The following LRRIQ1 variants were observed in gnomAD, a reference collection of about 807,000 sequenced individuals.
LRRIQ1 encodes the protein leucine-rich repeat- and IQ domain-containing protein 1.
A neutral mutation model predicts 211.9 loss-of-function variants in LRRIQ1; 210 were observed. The observed-to-expected ratio is 0.99, with a 90% CI of 0.89 to 1.11. LRRIQ1 has a LOEUF of 1.11. LRRIQ1 is among the 50% of genes most tolerant of loss of function. The probability of loss-of-function intolerance (pLI) is 0.00; values close to 1 mark genes in which losing one functional copy is unlikely to be tolerated. For synonymous variants in LRRIQ1, 699 were observed against 650.1 expected (o/e 1.08, Z -1.14); for missense variants, 2,136 against 1,939.5 (o/e 1.10, Z -1.90).
intron 17 of LRRIQ1, among the ~76,000 whole-genome samples, chr12:85,125,468 G>T (rs12296412): frequency 0.057 from 8,673 of 151,924 alleles, 834 homozygotes; most frequent in African/African-American, 0.2. Context: ...TTTACTTTTG[G>T]CCTCAGAGTC....
intron 8 of LRRIQ1, among the ~76,000 whole-genome samples, chr12:85,059,782 C>A (rs1881569877): frequency 6.6e-6 from 1 of 151,746 alleles, no homozygotes; most frequent in African/African-American, 2.4e-5. Flanking sequence ...TGGCACGTGG[C>A]ACGTGTATAC....
chr12:85,132,259 T>TA (rs945130088), intron 18 of LRRIQ1, among the ~76,000 whole-genome samples: 114 of 146,396 alleles, frequency 7.8e-4, no homozygotes, highest in Non-Finnish European at 9.5e-4. Flanking sequence ...GGAAGGTAGG[T>TA]AAAAAAAAAA....
intron 24 of LRRIQ1, among the ~76,000 whole-genome samples, chr12:85,226,499 T>C (rs1465478831): frequency 2.0e-5 from 3 of 151,760 alleles, no homozygotes; most frequent in Admixed American, 1.3e-4. Flanking sequence ...GTGTGTCTTA[T>C]AACTTTTGTA....
chr12:85,270,064 A>G, the LRRIQ1 span, among the ~76,000 whole-genome samples: 2 of 152,030 alleles, frequency 1.3e-5, no homozygotes, highest in Non-Finnish European at 2.9e-5. Flanking sequence ...GACCTAATCT[A>G]ACGTTATTAC....
chr12:85,259,533 C>G (rs960898781), intron 1 of LRRIQ1, among the ~76,000 whole-genome samples: 2 of 152,044 alleles, frequency 1.3e-5, no homozygotes, highest in Non-Finnish European at 2.9e-5. Flanking sequence ...ACAAAAAACT[C>G]TCACTAAATG....
At chr12:85,249,019 A>G (rs1327798711), downstream of LRRIQ1, among the ~76,000 whole-genome samples, 3 of 151,928 alleles carry the variant, frequency 2.0e-5, no homozygotes, top group East Asian at 5.8e-4. Flanking sequence ...TCAAAAAATA[A>G]GTGTTTTAGA....
intron 4 of LRRIQ1, among the ~76,000 whole-genome samples, chr12:85,045,199 A>C (rs1879391754): frequency 6.6e-6 from 1 of 151,984 alleles, no homozygotes; most frequent in Admixed American, 6.6e-5. Context: ...TAAATTTACA[A>C]TACTTTATAG....
intron 24 of LRRIQ1, among the ~76,000 whole-genome samples, chr12:85,172,432 G>T (rs1891464260): frequency 6.6e-6 from 1 of 152,164 alleles, no homozygotes; most frequent in Non-Finnish European, 1.5e-5. Flanking sequence ...AAAGTCTTGT[G>T]TTAAATCTTG....
chr12:85,111,781 T>C (rs1367501886), intron 15 of LRRIQ1, among the ~76,000 whole-genome samples: 1 of 152,012 alleles, frequency 6.6e-6, no homozygotes, highest in Non-Finnish European at 1.5e-5. Flanking sequence ...GATAAGAGAT[T>C]AGGAAACAAG....
chr12:85,121,641 A>G (rs1314652998), intron 15 of LRRIQ1, 56 bp from the exon 16 acceptor site: 5 of 1,308,052 alleles, frequency 3.8e-6, no homozygotes, highest in Admixed American at 5.1e-5. Context: ...GGTTATTTAG[A>G]TACATACTCT....
chr12:85,174,925 C>T (rs1436193151), intron 24 of LRRIQ1, among the ~76,000 whole-genome samples: 7 of 151,856 alleles, frequency 4.6e-5, no homozygotes, highest in East Asian at 1.9e-4. Context: ...GACAATGAAA[C>T]GAACCTCAAA....
intron 4 of LRRIQ1, 135 bp downstream of exon 4, chr12:85,044,944 A>G (rs1879359212): frequency 4.7e-6 from 2 of 423,388 alleles, no homozygotes; most frequent in Non-Finnish European, 4.3e-6. Context: ...TAAGCAAATC[A>G]TCTGTGGTTT....
At chr12:85,163,316 AT>A (rs2136749996) in intron 24 of LRRIQ1, among the ~76,000 whole-genome samples, 1 of 151,812 alleles carries the variant, frequency 6.6e-6, no homozygotes, top group African/African-American at 2.4e-5. Flanking sequence ...AAGAAAAAAA[AT>A]CAAATAAAAT....
intron 24 of LRRIQ1, among the ~76,000 whole-genome samples, chr12:85,205,796 T>C (rs990042000): frequency 4.6e-5 from 7 of 152,194 alleles, no homozygotes; most frequent in Admixed American, 4.6e-4. Context: ...TTGTTCATTC[T>C]TCTTTATTGT....
intron 1 of LRRIQ1, among the ~76,000 whole-genome samples, chr12:85,258,210 G>A (rs1031298729): frequency 3.3e-5 from 5 of 151,482 alleles, no homozygotes; most frequent in African/African-American, 1.2e-4. Context: ...ATTAACACCA[G>A]TAATAATGCT....
intron 13 of LRRIQ1, among the ~76,000 whole-genome samples, chr12:85,102,847 T>C (rs1240490277): frequency 6.6e-6 from 1 of 150,500 alleles, no homozygotes; most frequent in Non-Finnish European, 1.5e-5. Context: ...TGCATACTTA[T>C]TTATTTTGTA....
intron 13 of LRRIQ1, among the ~76,000 whole-genome samples, chr12:85,099,310 T>TTA: frequency 6.6e-6 from 1 of 151,774 alleles, no homozygotes. Context: ...CCTTGGAAAA[T>TTA]ACAGGAGGTA....
chr12:85,259,389 T>C (rs367948656), intron 1 of LRRIQ1, among the ~76,000 whole-genome samples: 3 of 152,180 alleles, frequency 2.0e-5, no homozygotes, highest in East Asian at 3.9e-4. Flanking sequence ...TTTATGTTTT[T>C]TCATTTCTGG....
chr12:85,187,660 A>T (rs1276824176), intron 24 of LRRIQ1, among the ~76,000 whole-genome samples: 3 of 150,466 alleles, frequency 2.0e-5, no homozygotes, highest in African/African-American at 5.0e-5. Context: ...TACAAAAAAA[A>T]TAGCTGGGCG....
Sources: allele counts gnomAD v4.1 joint callset (sites outside exome capture counted in the v4.1 genomes callset), GRCh38; gene constraint gnomAD v4.1.1; transcripts MANE v1.5; gene names NCBI Gene and HGNC (gene_info 2026-07-23, HGNC 2026-07-21).